Variants in MAP3K2 observed in about 807,000 individuals in gnomAD.
The protein encoded by MAP3K2 is MAP/ERK kinase kinase 2.
In MAP3K2, 24 loss-of-function variants were observed where a neutral mutation model predicts 80.3. The ratio of observed to expected loss-of-function variants is 0.30; its 90% CI spans 0.22 to 0.42. The LOEUF (loss-of-function observed/expected upper bound fraction) is 0.42, where lower values mean the gene tolerates loss of function less well. MAP3K2 is among the 10% of genes least tolerant of loss of function. The pLI is 1.00. For missense variants in MAP3K2, 608 were observed against 750.1 expected (o/e 0.81, Z 2.21); for synonymous variants, 244 against 253.7 (o/e 0.96, Z 0.36).
intron 14 of MAP3K2, among the ~76,000 whole-genome samples, chr2:127,317,360 A>G (rs902598308): frequency 2.0e-5 from 3 of 152,240 alleles, no homozygotes; most frequent in African/African-American, 7.2e-5. Flanking sequence ...TATATCAGCT[A>G]TAAAGGGCAT....
intron 1 of MAP3K2, among the ~76,000 whole-genome samples, chr2:127,374,185 T>C (rs1365610936): frequency 6.6e-6 from 1 of 152,202 alleles, no homozygotes; most frequent in Non-Finnish European, 1.5e-5. Context: ...ACTCAGCTCA[T>C]CGATATTGTT....
intron 1 of MAP3K2, among the ~76,000 whole-genome samples, chr2:127,344,583 C>A (rs1175549725): frequency 6.6e-6 from 1 of 151,810 alleles, no homozygotes; most frequent in Non-Finnish European, 1.5e-5. Context: ...AGTGGGAAGA[C>A]TGCTTGAGCC....
chr2:127,339,111 T>A lies in MAP3K2; in HGVS notation c.5-61A>T. The stretch of plus-strand genomic sequence containing the variant: ...TAATTGTGACATATATATCAACATG[T>A]ATAGACATCAAACACAAAATTTAAA... On this transcript the variant is annotated intron_variant, in intron 2 of 16. Coordinates refer to ENST00000682094, the MANE Select transcript of MAP3K2 (RefSeq NM_001371910.2). This position sits in a 1 kb window ranked among gnomAD's most constrained non-coding sequence, Gnocchi z 4.2. 1 of 972,548 alleles carries A rather than the reference T, an allele frequency of 1.0e-6. No individual in the cohort carries two copies. The highest frequency in any genetic ancestry group is 1.5e-5 in the South Asian group (1 of 64,946). The allele number at this position is 972,548 out of a possible 1,614,324, so 60.2% of individuals were successfully genotyped here.
intron 14 of MAP3K2, 30 bp downstream of exon 14, chr2:127,317,599 G>A (rs1367716506): frequency 1.3e-6 from 2 of 1,484,330 alleles, no homozygotes; most frequent in African/African-American, 1.4e-5. Flanking sequence ...TAAATAGAAT[G>A]TGTATTTTCA....
chr2:127,368,778 ATTTTT>A (rs889336807), intron 1 of MAP3K2, among the ~76,000 whole-genome samples: 1 of 149,318 alleles, frequency 6.7e-6, no homozygotes, highest in South Asian at 2.2e-4. Context: ...TTAAATTTGT[ATTTTT>A]TTTTTCTTTT....
In MAP3K2 at chr2:127,322,899, AT is replaced by A. The variant is rs1553516384; in HGVS notation, c.839-648del. Among the ~76,000 whole-genome samples the A allele has an allele frequency of 8.6e-5, 13 of 150,706 alleles. No individual in the cohort carries two copies. In the South Asian group the frequency reaches 2.8e-3, roughly 32 times the overall value. On this transcript the variant is annotated intron_variant, in intron 11 of 16. Transcript: ENST00000682094. The surrounding 1 kb of genome is among the most constrained non-coding windows in gnomAD (Gnocchi z 4.2). ...CATGAGCCACCGCACCTGGCCAGTA[AT>A]TTTTTTTCTTAAAGGGATGATGTAA...
rs146967344 is a variant in MAP3K2 at position 127,325,222 on chromosome 2, A to G, written c.677+506T>C. Among the ~76,000 whole-genome samples, 86 of 152,322 alleles carry G rather than the reference A, an allele frequency of 5.6e-4. 1 individual carries two copies. The highest frequency in any genetic ancestry group is 2.0e-3 in the African/African-American group (83 of 41,572). On this transcript the variant is annotated intron_variant, in intron 9 of 16. Coordinates refer to ENST00000682094, the MANE Select transcript of MAP3K2 (RefSeq NM_001371910.2). The stretch of plus-strand genomic sequence containing the variant: ...AGATTTCCTTTTAACTAACAAAGAT[A>G]CTGAGTCCCATGAGGTAAAGGGATT...
intron 15 of MAP3K2, among the ~76,000 whole-genome samples, chr2:127,311,426 T>C (rs999843031): frequency 6.6e-6 from 1 of 152,274 alleles, no homozygotes; most frequent in Middle Eastern, 3.4e-3. Context: ...GAATCACCAA[T>C]ATTGAACCAA....
chr2:127,332,077 T>A (rs1686268478), intron 5 of MAP3K2, among the ~76,000 whole-genome samples: 1 of 152,236 alleles, frequency 6.6e-6, no homozygotes. Context: ...ACTGGGCTCT[T>A]TTCGCTCTAT....
At chr2:127,357,856 A>G (rs1686821967) in intron 1 of MAP3K2, among the ~76,000 whole-genome samples, 1 of 152,224 alleles carries the variant, frequency 6.6e-6, no homozygotes, top group South Asian at 2.1e-4. Context: ...CTAAAACTAT[A>G]AAACTTGTAG....
intron 1 of MAP3K2, among the ~76,000 whole-genome samples, chr2:127,345,732 T>G (rs1686585035): frequency 6.6e-6 from 1 of 152,028 alleles, no homozygotes; most frequent in Admixed American, 6.6e-5. Context: ...ATCTGGAAAA[T>G]TCACAAATAT....
Position 127,302,505 on chromosome 2 carries a change from C to T in MAP3K2, c.*5074G>A, listed in dbSNP as rs1558970076. 1 of 151,968 alleles carries T rather than the reference C, an allele frequency of 6.6e-6. No homozygotes were observed. The highest frequency in any genetic ancestry group is 6.6e-5 in the Admixed American group (1 of 15,234). 9.4% of individuals were successfully genotyped at this position (151,968 alleles called of 1,614,324 possible). On this transcript the variant is annotated 3_prime_UTR_variant, in exon 17 of 17. Transcript: ENST00000682094. Reference sequence around the variant, plus strand: ...CATACATGCACACATGCACACACTTCACAGAAAAGTAACTTTTCTGTGAGT... The same window carrying T: ...CATACATGCACACATGCACACACTTTACAGAAAAGTAACTTTTCTGTGAGT...
intron 14 of MAP3K2, among the ~76,000 whole-genome samples, chr2:127,315,769 T>A (rs1323934965): frequency 1.3e-5 from 2 of 151,534 alleles, no homozygotes; most frequent in African/African-American, 4.9e-5. Flanking sequence ...TGAAACCCCA[T>A]CTCTACTAAA....
intron 1 of MAP3K2, among the ~76,000 whole-genome samples, chr2:127,372,766 G>A (rs1023572154): frequency 6.6e-6 from 1 of 152,090 alleles, no homozygotes; most frequent in Non-Finnish European, 1.5e-5. Context: ...GATCTTTAAA[G>A]GGAAAGAAAT....
chr2:127,355,875 T>A (rs1686789107), intron 1 of MAP3K2, among the ~76,000 whole-genome samples: 1 of 152,184 alleles, frequency 6.6e-6, no homozygotes. Context: ...TTATTGCTGC[T>A]TTACCAGTAA....
At chr2:127,378,181 G>A (rs1347723253) in intron 1 of MAP3K2, 1 of 983,480 alleles carries the variant, frequency 1.0e-6, no homozygotes, top group Non-Finnish European at 1.2e-6. Flanking sequence ...CAAGGAACCA[G>A]AATACAAAGA....
At chr2:127,343,804 G>A (rs1414176193) in intron 1 of MAP3K2, among the ~76,000 whole-genome samples, 3 of 152,114 alleles carry the variant, frequency 2.0e-5, no homozygotes, top group Non-Finnish European at 4.4e-5. Context: ...GATTGCTTGA[G>A]CCCAGGAGTT....
At chr2:127,344,757 T>G (rs1380340682) in intron 1 of MAP3K2, among the ~76,000 whole-genome samples, 1 of 152,190 alleles carries the variant, frequency 6.6e-6, no homozygotes, top group Non-Finnish European at 1.5e-5. Context: ...TTGGGTCCCT[T>G]TCCCAAGATA....
At chr2:127,328,409 T>C (rs188012036) in intron 7 of MAP3K2, among the ~76,000 whole-genome samples, 18 of 152,354 alleles carry the variant, frequency 1.2e-4, no homozygotes, top group African/African-American at 4.1e-4. Context: ...AATGTATAAA[T>C]GTACAATAAG....
Sources: gnomAD v4.1 joint callset for allele counts (sites outside exome capture counted in the v4.1 genomes callset) on GRCh38, gnomAD v4.1.1 for gene constraint, Gnocchi (gnomAD v3.1) non-coding constraint, MANE v1.5 for transcripts, NCBI Gene and HGNC (gene_info 2026-07-23, HGNC 2026-07-21) for gene names.